The following ADAM18 variants were observed in gnomAD, a reference collection of about 807,000 sequenced individuals.
The protein encoded by ADAM18 is ADAM metallopeptidase domain 18, also known as disintegrin and metalloproteinase domain-containing protein 18.
In ADAM18, 117 loss-of-function variants were observed where a neutral mutation model predicts 94.4. That is an observed-to-expected ratio of 1.24 (90% CI 1.07 to 1.45). ADAM18 has a LOEUF of 1.45. Ranked by LOEUF, ADAM18 falls within the 40% of genes most tolerant of loss-of-function variation. The pLI is 0.00. For missense variants in ADAM18, 936 were observed against 880.0 expected (o/e 1.06, Z -0.81); for synonymous variants, 327 against 291.6 (o/e 1.12, Z -1.24).
intron 14 of ADAM18, among the ~76,000 whole-genome samples, chr8:39,669,306 T>A (rs1478950041): frequency 2.0e-5 from 3 of 150,280 alleles, no homozygotes; most frequent in Non-Finnish European, 3.0e-5. Flanking sequence ...TATTATACTC[T>A]TTTTTTTAAA....
chr8:39,717,242 CTG>C, intron 18 of ADAM18, among the ~76,000 whole-genome samples: 1 of 151,832 alleles, frequency 6.6e-6, no homozygotes, highest in Middle Eastern at 3.4e-3. Flanking sequence ...CTCCTCCACT[CTG>C]TGTTATTGTT....
chr8:39,721,061 A>T (rs1822729222), intron 18 of ADAM18, among the ~76,000 whole-genome samples: 1 of 151,506 alleles, frequency 6.6e-6, no homozygotes, highest in Non-Finnish European at 1.5e-5. Context: ...TGCAACTATA[A>T]GCAACAACAT....
At chr8:39,659,942 A>G (rs902884465) in intron 12 of ADAM18, among the ~76,000 whole-genome samples, 16 of 152,164 alleles carry the variant, frequency 1.1e-4, no homozygotes, top group African/African-American at 3.4e-4. Context: ...GCAAAGAAAA[A>G]GAAATGCTTT....
In ADAM18 at chr8:39,638,386, G is replaced by T. The variant is rs1438471015; in HGVS notation, c.828-79G>T. On this transcript the variant is annotated intron_variant, in intron 9 of 19. Transcript: ENST00000265707. ...TGCAAAGTCATTTTTAAAATTTTAT[G>T]TGAAGAAGGTTTAATTTAATACATA... is the stretch of plus-strand genomic sequence containing the variant. The T allele has an allele frequency of 2.3e-5, 21 of 927,916 alleles. No homozygotes were observed. The East Asian group carries it at 4.6e-4, about 20-fold the overall frequency. 57.5% of individuals were successfully genotyped at this position (927,916 alleles called of 1,614,324 possible).
chr8:39,686,714 CATTA>C (rs952112783), intron 16 of ADAM18, among the ~76,000 whole-genome samples: 87 of 152,104 alleles, frequency 5.7e-4, no homozygotes, highest in African/African-American at 2.1e-3. Flanking sequence ...CGAAAAACAA[CATTA>C]ATTAAGAAAA....
intron 18 of ADAM18, among the ~76,000 whole-genome samples, chr8:39,717,427 A>G (rs1822612016): frequency 6.6e-6 from 1 of 151,840 alleles, no homozygotes; most frequent in Non-Finnish European, 1.5e-5. Context: ...AACTAGTTTT[A>G]TAATTTTTTA....
intron 7 of ADAM18, among the ~76,000 whole-genome samples, chr8:39,637,049 A>ATATATATATATG (rs1820096870): frequency 2.6e-5 from 3 of 116,026 alleles, no homozygotes; most frequent in Non-Finnish European, 5.7e-5. Flanking sequence ...ATATATATAT[A>ATATATATATATG]TATATATATA....
chr8:39,629,086 T>C (rs1332270367), intron 6 of ADAM18, among the ~76,000 whole-genome samples: 1 of 152,002 alleles, frequency 6.6e-6, no homozygotes, highest in Non-Finnish European at 1.5e-5. Context: ...AGTGTAGAGT[T>C]GTCTGCAGAT....
intron 18 of ADAM18, among the ~76,000 whole-genome samples, chr8:39,718,944 T>A (rs1191594322): frequency 1.3e-5 from 2 of 151,310 alleles, no homozygotes; most frequent in African/African-American, 4.8e-5. Flanking sequence ...TATAAGAAAA[T>A]TTCTGTCAAA....
rs148994396 is a variant in ADAM18 at position 39,645,391 on chromosome 8, T to C, written c.963T>C (p.Leu321=). 6.2e-7 allele frequency: 1 copy of C among 1,612,694 alleles called. No homozygotes were observed. Among genetic ancestry groups the C allele is most frequent in the East Asian group, 2.2e-5 (1 of 44,780 alleles). Residue 321 remains leucine (L), a synonymous_variant, in exon 11 of 20, where the codon CTT becomes CTC. Transcript: ENST00000265707. Reference sequence around the variant, plus strand: ...TTTCGGTTATTATAGCTCAACTGCTTGGCCTTAATGTAGGATTAACATATG... The same window carrying C: ...TTTCGGTTATTATAGCTCAACTGCTCGGCCTTAATGTAGGATTAACATATG... ...EGFSVIIAQL[L]GLNVGLTYDD... is the part of the protein sequence containing the mutation.
intron 10 of ADAM18, among the ~76,000 whole-genome samples, chr8:39,644,823 T>C (rs1293958632): frequency 6.6e-6 from 1 of 152,196 alleles, no homozygotes; most frequent in African/African-American, 2.4e-5. Context: ...AAATTTTCTA[T>C]TGGAGTACTT....
intron 5 of ADAM18, 66 bp downstream of exon 5, chr8:39,609,627 T>C: frequency 9.1e-7 from 1 of 1,093,744 alleles, no homozygotes; most frequent in Non-Finnish European, 1.4e-6. Context: ...CAAAACTTAG[T>C]GACTAGCAGA....
intron 12 of ADAM18, among the ~76,000 whole-genome samples, chr8:39,653,067 A>G (rs1317850909): frequency 6.6e-6 from 1 of 152,164 alleles, no homozygotes; most frequent in Non-Finnish European, 1.5e-5. Context: ...CAGAATTTAA[A>G]TGAGATAGGA....
intron 6 of ADAM18, among the ~76,000 whole-genome samples, chr8:39,616,667 A>T (rs899478923): frequency 2.6e-5 from 4 of 152,212 alleles, no homozygotes; most frequent in Admixed American, 6.5e-5. Context: ...GTAGAAAAAC[A>T]GAAACATAGA....
At position 39,645,440 on chromosome 8, in the gene ADAM18, C is replaced by T; in HGVS notation, c.1012C>T (p.Leu338=). The stretch of plus-strand genomic sequence containing the variant: ...TGATGACATCACTCAGTGTTTCTGT[C>T]TGAGAGCTACATGCATCATGAATCA... The part of the protein sequence containing the change: ...TYDDITQCFC[L]RATCIMNHEA... Residue 338 remains leucine, a synonymous_variant, in exon 11 of 20, where the codon CTG becomes TTG. Coordinates refer to ENST00000265707, the MANE Select transcript of ADAM18 (RefSeq NM_014237.3). 2 of 1,612,164 alleles carry T rather than the reference C, an allele frequency of 1.2e-6. No individual in the cohort carries two copies. The highest frequency in any genetic ancestry group is 1.7e-6 in the Non-Finnish European group (2 of 1,179,176).
At chr8:39,650,244 T>C (rs572680605) in intron 12 of ADAM18, among the ~76,000 whole-genome samples, 1 of 152,280 alleles carries the variant, frequency 6.6e-6, no homozygotes, top group South Asian at 2.1e-4. Context: ...GAAAACCAAT[T>C]GTAGGCTTTT....
intron 15 of ADAM18, among the ~76,000 whole-genome samples, chr8:39,677,831 T>C (rs1277318546): frequency 5.3e-5 from 8 of 152,182 alleles, no homozygotes; most frequent in African/African-American, 1.7e-4. Flanking sequence ...AAGTTTTGTA[T>C]TAAGTCTATA....
At chr8:39,604,585 G>A (rs1819010063) in intron 2 of ADAM18, 1 of 152,290 alleles carries the variant, frequency 6.6e-6, no homozygotes, top group South Asian at 2.1e-4. Flanking sequence ...GTAAAAGTGT[G>A]TGGCACTTCC....
At chr8:39,616,083 G>A (rs994022792) in intron 6 of ADAM18, among the ~76,000 whole-genome samples, 1 of 152,108 alleles carries the variant, frequency 6.6e-6, no homozygotes, top group African/African-American at 2.4e-5. Flanking sequence ...AATATTTTAT[G>A]CCCATGGTTA....
Sources: allele counts gnomAD v4.1 joint callset (sites outside exome capture counted in the v4.1 genomes callset), GRCh38; gene constraint gnomAD v4.1.1; transcripts MANE v1.5; gene names NCBI Gene and HGNC (gene_info 2026-07-23, HGNC 2026-07-21).